Variants in DPP6 observed in about 807,000 individuals in gnomAD.
DPP6 encodes the protein dipeptidyl peptidase like 6.
A neutral mutation model predicts 122.6 loss-of-function variants in DPP6; 69 were observed. That is an observed-to-expected ratio of 0.56 (90% confidence interval 0.46 to 0.69). DPP6 has a LOEUF of 0.69. DPP6 is among the 30% of genes least tolerant of loss of function. The pLI is 0.00. For missense variants in DPP6, 928 were observed against 1,116.9 expected (o/e 0.83, Z 2.41); for synonymous variants, 418 against 433.1 (o/e 0.97, Z 0.43).
intron 1 of DPP6, among the ~76,000 whole-genome samples, chr7:154,371,401 A>AAAAAAAAAAG: frequency 8.3e-6 from 1 of 120,616 alleles, no homozygotes; most frequent in Non-Finnish European, 1.6e-5. Flanking sequence ...AAAAAAAAAA[A>AAAAAAAAAAG]AAAGAAAGAA....
chr7:154,214,492 G>T (rs11505605), intron 1 of DPP6, among the ~76,000 whole-genome samples: 1,664 of 152,348 alleles, frequency 0.011, 42 homozygotes, highest in African/African-American at 0.038. Context: ...AGAGGAAAGA[G>T]TTGGGCACAC....
At chr7:154,235,307 G>A (rs554959038) in intron 1 of DPP6, among the ~76,000 whole-genome samples, 75 of 152,244 alleles carry the variant, frequency 4.9e-4, no homozygotes, top group African/African-American at 1.7e-3. Flanking sequence ...TTCCCTGAGC[G>A]TCATGTTTTC....
intron 1 of DPP6, among the ~76,000 whole-genome samples, chr7:153,941,967 G>T (rs1801717006): frequency 1.3e-5 from 2 of 152,154 alleles, no homozygotes; most frequent in Admixed American, 6.5e-5. Flanking sequence ...GAAAAAAAAG[G>T]AATGGGTAGC....
chr7:154,281,409 G>A (rs1804504798), intron 1 of DPP6, among the ~76,000 whole-genome samples: 1 of 152,148 alleles, frequency 6.6e-6, no homozygotes. Flanking sequence ...CCTGGGCTGT[G>A]ACTGTGTCTT....
rs1046122197 is a variant in DPP6 at position 154,195,191 on chromosome 7, T to C, written c.243+142128T>C. Among the ~76,000 whole-genome samples, 163 of 152,356 alleles carry C rather than the reference T, an allele frequency of 1.1e-3. 1 individual carries two copies. Among genetic ancestry groups the C allele is most frequent in the Non-Finnish European group, 1.2e-3 (82 of 68,028 alleles). On this transcript the variant is annotated intron_variant, in intron 1 of 25. Transcript: ENST00000377770. ...GGTTGAAGTTCATTTTTTCTGCATA[T>C]GGCTATCTAGTCATTCCAATACCAT... is the stretch of plus-strand genomic sequence containing the variant.
intron 7 of DPP6, among the ~76,000 whole-genome samples, chr7:154,670,915 C>T (rs1438348736): frequency 6.6e-6 from 1 of 152,180 alleles, no homozygotes; most frequent in South Asian, 2.1e-4. Context: ...TAACATGTCT[C>T]TAATGCTAAA....
chr7:153,809,382 C>T, the DPP6 span, among the ~76,000 whole-genome samples: 5 of 152,174 alleles, frequency 3.3e-5, no homozygotes. Flanking sequence ...ATCATGTCTG[C>T]TCATCCCTGT....
At chr7:153,895,283 G>T (rs1033981952) in intron 1 of DPP6, among the ~76,000 whole-genome samples, 2 of 152,232 alleles carry the variant, frequency 1.3e-5, no homozygotes, top group Non-Finnish European at 2.9e-5. Flanking sequence ...TCGACCAGCA[G>T]AAGTTGTTCT....
intron 5 of DPP6, among the ~76,000 whole-genome samples, chr7:154,573,581 C>T (rs1048432180): frequency 0.034 from 5,130 of 152,288 alleles, 122 homozygotes; most frequent in Non-Finnish European, 0.051. Flanking sequence ...CTTTCCTTTG[C>T]GACCGAATTT....
At chr7:154,819,608 C>T (rs908294818) in intron 16 of DPP6, among the ~76,000 whole-genome samples, 6 of 152,100 alleles carry the variant, frequency 3.9e-5, no homozygotes, top group Non-Finnish European at 8.8e-5. Flanking sequence ...GATGGTATTT[C>T]CTAAAGAATA....
intron 1 of DPP6, among the ~76,000 whole-genome samples, chr7:154,130,147 A>G (rs1808264531): frequency 6.6e-6 from 1 of 152,098 alleles, no homozygotes; most frequent in South Asian, 2.1e-4. Context: ...GACAAATTCA[A>G]AGAGGACATG....
intron 5 of DPP6, among the ~76,000 whole-genome samples, chr7:154,629,795 A>G (rs1009956638): frequency 6.6e-6 from 1 of 152,162 alleles, no homozygotes; most frequent in Admixed American, 6.5e-5. Context: ...CCATCCTCAT[A>G]CATGCTCTAA....
chr7:154,840,053 G>A (rs924427074), intron 16 of DPP6, among the ~76,000 whole-genome samples: 14 of 152,158 alleles, frequency 9.2e-5, no homozygotes, highest in African/African-American at 1.9e-4. Flanking sequence ...AGCGTGGAAC[G>A]ACTTCCATTC....
intron 8 of DPP6, among the ~76,000 whole-genome samples, chr7:154,754,679 A>G (rs1177168124): frequency 6.6e-6 from 1 of 152,236 alleles, no homozygotes; most frequent in Non-Finnish European, 1.5e-5. Context: ...ATGCACACGT[A>G]TGTTTATTGC....
At chr7:153,774,362 G>A in the DPP6 span, among the ~76,000 whole-genome samples, 4 of 152,172 alleles carry the variant, frequency 2.6e-5, no homozygotes, top group African/African-American at 4.8e-5. Flanking sequence ...AGGCTAAAAT[G>A]TCTGTGTGCA....
chr7:154,373,056 C>A lies in DPP6; in HGVS notation c.244-73158C>A, dbSNP rs1184196552. Among the ~76,000 whole-genome samples the A allele has an allele frequency of 2.0e-5, 3 of 152,196 alleles. No individual in the cohort carries two copies. The East Asian group carries it at 5.8e-4, about 29-fold the overall frequency. On this transcript the variant is annotated intron_variant, in intron 1 of 25. Transcript: ENST00000377770. ...GGCATCTCCTTCCTGCTGTCTTGCC[C>A]TGCACCATCCGCTTCCTCTCTCGTT...
intron 1 of DPP6, among the ~76,000 whole-genome samples, chr7:154,270,159 GT>G (rs550725014): frequency 6.6e-6 from 1 of 152,112 alleles, no homozygotes; most frequent in Non-Finnish European, 1.5e-5. Context: ...TCCATTGTTA[GT>G]TTTCCATATT....
At chr7:154,523,888 T>C (rs1273378060) in intron 3 of DPP6, among the ~76,000 whole-genome samples, 1 of 152,238 alleles carries the variant, frequency 6.6e-6, no homozygotes, top group Non-Finnish European at 1.5e-5. Flanking sequence ...CCATTGAGAA[T>C]GGCGTATTTT....
chr7:154,189,703 G>A (rs927830552), intron 1 of DPP6, among the ~76,000 whole-genome samples: 4 of 152,156 alleles, frequency 2.6e-5, no homozygotes, highest in Admixed American at 1.3e-4. Flanking sequence ...CCGTGTCTCT[G>A]GGGTTGAGAC....
Sources: gnomAD v4.1 joint callset for allele counts (sites outside exome capture counted in the v4.1 genomes callset) on GRCh38, gnomAD v4.1.1 for gene constraint, MANE v1.5 for transcripts, NCBI Gene and HGNC (gene_info 2026-07-23, HGNC 2026-07-21) for gene names.